Variants in OR1S1 observed in about 807,000 individuals in gnomAD.
OR1S1 encodes olfactory receptor family 1 subfamily S member 1.
For synonymous variants in OR1S1, 156 were observed against 143.9 expected (o/e 1.08, Z -0.60); for missense variants, 411 against 367.5 (o/e 1.12, Z -0.97).
intron 1 of OR1S1, among the ~76,000 whole-genome samples, chr11:58,213,793 T>G (rs1336736179): frequency 6.6e-6 from 1 of 152,190 alleles, no homozygotes; most frequent in Non-Finnish European, 1.5e-5. Flanking sequence ...TGCCTCATTA[T>G]GCGGTTCCCT....
At chr11:58,214,533 C>A (rs1157610975) in intron 1 of OR1S1, among the ~76,000 whole-genome samples, 196 bp from the exon 2 acceptor site, 2 of 152,302 alleles carry the variant, frequency 1.3e-5, no homozygotes, top group South Asian at 2.1e-4. Context: ...GGAAAAATCA[C>A]ATTCAGAATC....
At chr11:58,212,921 C>G (rs1284901585) in intron 1 of OR1S1, 84 bp downstream of exon 1, 2 of 152,246 alleles carry the variant, frequency 1.3e-5, no homozygotes, top group East Asian at 1.9e-4. Context: ...AAGCCCAAAC[C>G]AGCCCAGGCC....
At chr11:58,213,289 A>G (rs1854977242) in intron 1 of OR1S1, among the ~76,000 whole-genome samples, 1 of 152,200 alleles carries the variant, frequency 6.6e-6, no homozygotes, top group Non-Finnish European at 1.5e-5. Flanking sequence ...GGAAAATCAT[A>G]CTAGGTCCAG....
At chr11:58,214,653 C>T (rs1431291172) in intron 1 of OR1S1, 76 bp from the exon 2 acceptor site, 2 of 1,111,940 alleles carry the variant, frequency 1.8e-6, no homozygotes, top group Admixed American at 2.1e-5. Context: ...TTAAGTAGCA[C>T]TTCCACTTAA....
intron 1 of OR1S1, among the ~76,000 whole-genome samples, chr11:58,213,707 G>T (rs866017003): frequency 3.3e-5 from 5 of 152,230 alleles, no homozygotes; most frequent in Non-Finnish European, 7.3e-5. Flanking sequence ...GATACTAGCA[G>T]CTTGTGCCTT....
Position 58,215,884 on chromosome 11 carries a change from C to G in OR1S1, c.*162C>G, listed in dbSNP as rs563959320. On this transcript the variant is annotated 3_prime_UTR_variant, in exon 2 of 2. Coordinates refer to ENST00000641544, the Ensembl canonical transcript of OR1S1. ...TGGAGCTTTTCCACTTAGCTCTTGT[C>G]TTGGAAACAAAACCTGTAACTGCCA... 11 of 844,360 alleles carry G rather than the reference C, an allele frequency of 1.3e-5. No individual in the cohort carries two copies. The South Asian group carries it at 2.0e-4, about 15-fold the overall frequency. The allele number at this position is 844,360 out of a possible 1,614,324, so 52.3% of individuals were successfully genotyped here. A position where few individuals can be genotyped will look rare whatever the true frequency, so the allele number is the denominator to read the frequency against.
exon 2 of OR1S1, chr11:58,216,033 T>A (rs1852937327): frequency 1.0e-5 from 3 of 285,716 alleles, no homozygotes; most frequent in Non-Finnish European, 1.3e-5. Flanking sequence ...TACAGTTAGA[T>A]AGAAGAAATA....
intron 1 of OR1S1, among the ~76,000 whole-genome samples, chr11:58,213,299 G>T (rs972371684): frequency 6.6e-6 from 1 of 152,298 alleles, no homozygotes; most frequent in African/African-American, 2.4e-5. Context: ...ACTAGGTCCA[G>T]TCTCTCTTCC....
chr11:58,214,623 A>G (rs545281575), intron 1 of OR1S1, 106 bp from the exon 2 acceptor site: 25 of 821,308 alleles, frequency 3.0e-5, no homozygotes, highest in African/African-American at 2.7e-4. Context: ...AAATCTCTGC[A>G]CTGCTGAAAT....
At chr11:58,213,834 C>G (rs1392310170) in intron 1 of OR1S1, among the ~76,000 whole-genome samples, 17 of 152,106 alleles carry the variant, frequency 1.1e-4, no homozygotes, top group Admixed American at 1.1e-3. Context: ...TCCCTGATCT[C>G]TTTAAGATCT....
At chr11:58,214,616 T>A (rs1852894844) in intron 1 of OR1S1, 113 bp from the exon 2 acceptor site, 3 of 789,418 alleles carry the variant, frequency 3.8e-6, no homozygotes, top group Non-Finnish European at 6.1e-6. Context: ...ATTTTCCAAA[T>A]CTCTGCACTG....
chr11:58,213,555 C>G (rs1366418892), intron 1 of OR1S1, among the ~76,000 whole-genome samples: 1 of 152,236 alleles, frequency 6.6e-6, no homozygotes, highest in African/African-American at 2.4e-5. Flanking sequence ...TCTTTGGCCT[C>G]TCTTCCCACA....
intron 1 of OR1S1, among the ~76,000 whole-genome samples, chr11:58,213,567 AC>A (rs2120060579): frequency 6.6e-6 from 1 of 152,094 alleles, no homozygotes; most frequent in East Asian, 1.9e-4. Flanking sequence ...CTTCCCACAA[AC>A]CCGTTGTTGT....
At chr11:58,212,777 T>C (rs531001192) in exon 1 of OR1S1, 1 of 152,380 alleles carries the variant, frequency 6.6e-6, no homozygotes, top group Admixed American at 6.5e-5. Context: ...GAATCCAGCA[T>C]TGGTCTTGAC....
At chr11:58,215,435 T>C in exon 2 of OR1S1, 1 of 1,614,176 alleles carries the variant, frequency 6.2e-7, no homozygotes, top group East Asian at 2.2e-5. Flanking sequence ...CTTCTTTTCC[T>C]ATGTCTGCAT....
chr11:58,214,931 A>C, exon 2 of OR1S1: 2 of 1,614,146 alleles, frequency 1.2e-6, no homozygotes, highest in Non-Finnish European at 1.7e-6. Context: ...TGTGGCTATC[A>C]GCTTGGATAC....
chr11:58,214,926 C>A (rs758479195), exon 2 of OR1S1: 6 of 1,614,024 alleles, frequency 3.7e-6, no homozygotes, highest in Non-Finnish European at 5.1e-6. Context: ...ATCATTGTGG[C>A]TATCAGCTTG....
Position 58,215,158 on chromosome 11 carries a change from G to T in OR1S1, c.375G>T (p.Ala125=), listed in dbSNP as rs550007898. 1.2e-5 allele frequency: 19 copies of T among 1,614,036 alleles called. No individual in the cohort carries two copies. The South Asian group carries it at 2.1e-4, about 18-fold the overall frequency. The stretch of plus-strand genomic sequence containing the variant: ...CCATGGCCTATGACCACTTTGTGGC[G>T]ATCTGCCACCCTCTGAATTATACAA... The change falls in exon 2 of 2, where the codon GCG becomes GCT. Residue 125 remains alanine, a synonymous_variant. Coordinates refer to ENST00000641544, the Ensembl canonical transcript of OR1S1.
At chr11:58,215,857 G>A (rs1200611299) in exon 2 of OR1S1, 5 of 1,152,866 alleles carry the variant, frequency 4.3e-6, no homozygotes, top group East Asian at 4.7e-5. Flanking sequence ...CTCTGAAGGG[G>A]TTGGAGCTTT....
Sources: allele counts gnomAD v4.1 joint callset (sites outside exome capture counted in the v4.1 genomes callset), GRCh38; gene constraint gnomAD v4.1.1; transcripts MANE v1.5; gene names NCBI Gene and HGNC (gene_info 2026-07-23, HGNC 2026-07-21).